Variants in DUOX2 observed in about 807,000 individuals in gnomAD.
The protein encoded by DUOX2 is dual oxidase 2.
Under a neutral mutation model 183.3 loss-of-function variants are expected in DUOX2, and 185 were observed. That is an observed-to-expected ratio of 1.01 (90% CI 0.90 to 1.14). DUOX2 has a LOEUF of 1.14. Among genes scored for constraint, DUOX2 ranks in the 50% most tolerant of loss-of-function variants. DUOX2 has a pLI of 0.00. For synonymous variants in DUOX2, 788 were observed against 812.4 expected (o/e 0.97, Z 0.51); for missense variants, 1,999 against 2,022.9 (o/e 0.99, Z 0.23).
chr15:45,107,521 C>A, intron 13 of DUOX2, 58 bp from the exon 14 acceptor site: 1 of 1,575,660 alleles, frequency 6.3e-7, no homozygotes, highest in Non-Finnish European at 8.7e-7. Flanking sequence ...CCTCCAGCAA[C>A]CCCAGGCCCA....
Position 45,107,339 on chromosome 15 carries a change from A to G in DUOX2, c.1693+6T>C. ...TCACTCACTTGTGTTCTCCCACGGC[A>G]CTCACCTTTATGCCAGACAAAGACA... On this transcript the variant is annotated splice_donor_region_variant and intron_variant, in intron 14 of 33. Coordinates refer to ENST00000389039, the MANE Select transcript of DUOX2 (RefSeq NM_001363711.2). 5 of 1,614,036 alleles carry G rather than the reference A, an allele frequency of 3.1e-6. No homozygotes were observed. Among genetic ancestry groups the G allele is most frequent in the Non-Finnish European group, 4.2e-6 (5 of 1,179,950 alleles).
At chr15:45,096,482 C>A (rs970113786) in intron 29 of DUOX2, among the ~76,000 whole-genome samples, 1 of 152,012 alleles carries the variant, frequency 6.6e-6, no homozygotes, top group African/African-American at 2.4e-5. Flanking sequence ...TTTTCCAATT[C>A]AATTAATCTT....
chr15:45,099,833 GGAT>G lies in DUOX2; in HGVS notation c.3241_3243del (p.Ile1081del). 6.2e-7 allele frequency: 1 copy of G among 1,614,248 alleles called. No homozygotes were observed. Among genetic ancestry groups the G allele is most frequent in the Middle Eastern group, 1.6e-4 (1 of 6,062 alleles). Reference sequence around the variant, plus strand: ...ACGCTGGCCGCCGTGCCTCGTGACAGGATGATGCCCACGAGGGTGGTCTGTGCA... The same window carrying G: ...ACGCTGGCCGCCGTGCCTCGTGACAGGATGCCCACGAGGGTGGTCTGTGCA... On this transcript the variant is annotated inframe_deletion, in exon 25 of 34. Coordinates refer to ENST00000389039, the MANE Select transcript of DUOX2 (RefSeq NM_001363711.2).
Position 45,111,827 on chromosome 15 carries a change from A to T in DUOX2, c.454T>A (p.Phe152Ile). 1 of 1,613,108 alleles carries T rather than the reference A, an allele frequency of 6.2e-7. No homozygotes were observed. Among genetic ancestry groups the T allele is most frequent in the Non-Finnish European group, 8.5e-7 (1 of 1,179,846 alleles). ...TCGGGGTCCCAGCGGCTCCTCTGGAAGGGCAGCACCACGTCCCCGCGCTGG... is the reference window on the plus strand; with the variant it reads ...TCGGGGTCCCAGCGGCTCCTCTGGATGGGCAGCACCACGTCCCCGCGCTGG... ...PDQRGDVVLP[F>I]QRSRWDPETG... is the part of the protein sequence containing the mutation. Residue 152 changes from phenylalanine (F) to isoleucine (I), a missense_variant, in exon 5 of 34, where the codon TTC (phenylalanine) becomes ATC (isoleucine). Around this residue, in one of 3 missense-constraint regions of DUOX2, gnomAD observed 356 missense variants for 356.4 expected, o/e 1.00. Transcript: ENST00000389039.
Position 45,095,886 on chromosome 15 carries a change from G to A in DUOX2, c.4022C>T (p.Thr1341Ile). The part of the protein sequence containing the change: ...LHIRAVGPWT[T>I]RLREIYSSPK... ...GGATGAGTAGATCTCCCTGAGGCGA[G>A]TGGTCCAGGGCCCCACTGCCCGGAT... Residue 1341 changes from threonine (T) to isoleucine (I), a missense_variant, in exon 30 of 34, where the codon ACT (threonine) becomes ATT (isoleucine). Coordinates refer to ENST00000389039, the MANE Select transcript of DUOX2 (RefSeq NM_001363711.2). 1 of 1,614,002 alleles carries A rather than the reference G, an allele frequency of 6.2e-7. No individual in the cohort carries two copies. The highest frequency in any genetic ancestry group is 1.6e-4 in the Middle Eastern group (1 of 6,062).
At position 45,099,657 on chromosome 15, in the gene DUOX2, C is replaced by A; in HGVS notation, c.3415+5G>T. 6.2e-7 allele frequency: 1 copy of A among 1,614,100 alleles called. No individual in the cohort carries two copies. Among genetic ancestry groups the A allele is most frequent in the Non-Finnish European group, 8.5e-7 (1 of 1,180,004 alleles). On this transcript the variant is annotated splice_donor_5th_base_variant and intron_variant, in intron 25 of 33. Transcript: ENST00000389039. ...CAAAGAGGAAGAAGCCTGGGAGTCA[C>A]GTACTGGCCAGGACAACAGCAGCCA...
chr15:45,113,687 C>T (rs1264904944), intron 1 of DUOX2, among the ~76,000 whole-genome samples: 1 of 152,182 alleles, frequency 6.6e-6, no homozygotes, highest in African/African-American at 2.4e-5. Context: ...CATAGGAACC[C>T]ACTGGGCAGG....
intron 32 of DUOX2, 100 bp from the exon 33 acceptor site, chr15:45,094,791 G>A: frequency 6.3e-7 from 1 of 1,596,936 alleles, no homozygotes; most frequent in South Asian, 1.1e-5. Flanking sequence ...GGAGGGGAGG[G>A]AGCTGGAGGC....
chr15:45,100,115 C>A lies in DUOX2; in HGVS notation c.3119G>T (p.Arg1040Met). The change falls in exon 24 of 34, where the codon AGG (arginine) becomes ATG (methionine). Residue 1040 changes from arginine to methionine, a missense_variant. By Grantham distance (91) the Arg-to-Met change is moderately conservative. Transcript: ENST00000389039. The part of the protein sequence containing the change: ...QYKRFVENYR[R>M]HIVCVAIFSA... ...GAAGATTGCCACACACACGATGTGC[C>A]TCCGGTAGTTCTCCACGAAGCGCTT... The A allele has an allele frequency of 6.8e-6, 11 of 1,614,234 alleles. No individual in the cohort carries two copies. The highest frequency in any genetic ancestry group is 9.3e-6 in the Non-Finnish European group (11 of 1,180,042).
chr15:45,110,064 G>T, intron 9 of DUOX2, 84 bp from the exon 10 acceptor site: 1 of 1,247,932 alleles, frequency 8.0e-7, no homozygotes, highest in Non-Finnish European at 1.2e-6. Context: ...ACTCAGTGGG[G>T]GTTCACTAGG....
intron 20 of DUOX2, 145 bp from the exon 21 acceptor site, chr15:45,102,134 G>T: frequency 1.9e-6 from 2 of 1,056,570 alleles, no homozygotes; most frequent in South Asian, 1.4e-5. Flanking sequence ...CCAGCCTGCC[G>T]CTGACACTAA....
intron 18 of DUOX2, 80 bp downstream of exon 18, chr15:45,105,563 C>G: frequency 1.3e-6 from 2 of 1,569,232 alleles, no homozygotes; most frequent in Non-Finnish European, 1.8e-6. Flanking sequence ...CTTAGTTCAC[C>G]CACAGGGGCG....
rs1893947281 is a variant in DUOX2 at position 45,097,853 on chromosome 15, C to T, written c.3566-112G>A. 7.6e-6 allele frequency: 12 copies of T among 1,587,704 alleles called. No individual in the cohort carries two copies. In the South Asian group the frequency reaches 1.3e-4, roughly 18 times the overall value. ...TCCTTCCTCTCTCATCCCTCCGGGG[C>T]CCCCAGAAAAGCCTGCCTGGAGGGA... is the stretch of plus-strand genomic sequence containing the variant. On this transcript the variant is annotated intron_variant, in intron 27 of 33. Coordinates refer to ENST00000389039, the MANE Select transcript of DUOX2 (RefSeq NM_001363711.2).
chr15:45,105,970 G>A (rs1466939809), intron 17 of DUOX2, 142 bp from the exon 18 acceptor site: 4 of 1,381,762 alleles, frequency 2.9e-6, no homozygotes, highest in Non-Finnish European at 3.0e-6. Context: ...GTGGACGAAG[G>A]GGGTCAGGTT....
intron 16 of DUOX2, 52 bp from the exon 17 acceptor site, chr15:45,106,379 C>G (rs752422071): frequency 4.1e-5 from 66 of 1,607,248 alleles, no homozygotes; most frequent in Non-Finnish European, 5.3e-5. Context: ...CCCAGGTCCC[C>G]GCCTTCAGGT....
intron 25 of DUOX2, 30 bp downstream of exon 25, chr15:45,099,632 C>CA (rs1894009843): frequency 6.2e-7 from 1 of 1,613,224 alleles, no homozygotes; most frequent in South Asian, 1.1e-5. Context: ...GGTGCTGCAG[C>CA]AAAGAGGAAG....
chr15:45,106,685 T>C, intron 15 of DUOX2, 44 bp from the exon 16 acceptor site: 1 of 1,605,208 alleles, frequency 6.2e-7, no homozygotes, highest in Non-Finnish European at 8.5e-7. Context: ...GCCCCTCACC[T>C]AGAGCTCCAC....
rs1378165236 is a variant in DUOX2 at position 45,100,103 on chromosome 15, C to T, written c.3131G>A (p.Cys1044Tyr). Residue 1044 changes from cysteine (C) to tyrosine (Y), a missense_variant, in exon 24 of 34, where the codon TGT becomes TAT. Physicochemically the swap from Cys to Tyr is radical, Grantham distance 194. Around this residue, in one of 3 missense-constraint regions of DUOX2, gnomAD observed 1,628 missense variants for 1,608.6 expected, o/e 1.01. Coordinates refer to ENST00000389039, the MANE Select transcript of DUOX2 (RefSeq NM_001363711.2). Reference protein sequence around the residue: ...FVENYRRHIVCVAIFSAICVG... With the variant: ...FVENYRRHIVYVAIFSAICVG... ...ACAGATGGCCGAGAAGATTGCCACA[C>T]ACACGATGTGCCTCCGGTAGTTCTC... 6.2e-7 allele frequency: 1 copy of T among 1,614,138 alleles called. No individual in the cohort carries two copies. The highest frequency in any genetic ancestry group is 1.3e-5 in the African/African-American group (1 of 74,960).
In DUOX2 at chr15:45,106,913, G is replaced by T. The variant is rs757446135; in HGVS notation, c.1750C>A (p.Pro584Thr). 5 of 1,582,792 alleles carry T rather than the reference G, an allele frequency of 3.2e-6. No individual in the cohort carries two copies. The South Asian group carries it at 5.8e-5, about 18-fold the overall frequency. ...TCAAAGAAGTCAAGCACAGTCAGGGGTGCACACTGGGGCAGGCCGTCAGTT... is the reference window on the plus strand; with the variant it reads ...TCAAAGAAGTCAAGCACAGTCAGGGTTGCACACTGGGGCAGGCCGTCAGTT... ...LTTDGLPQCA[P>T]LTVLDFFEGS... Residue 584 changes from proline to threonine, a missense_variant, in exon 15 of 34, where the codon CCC (proline) becomes ACC (threonine). Pro to Thr is a conservative substitution (Grantham distance 38). Transcript: ENST00000389039.
Sources: gnomAD v4.1 joint callset for allele counts (sites outside exome capture counted in the v4.1 genomes callset) on GRCh38, gnomAD v4.1.1 for gene constraint, gnomAD v4.1.1 regional missense constraint, MANE v1.5 for transcripts, NCBI Gene and HGNC (gene_info 2026-07-23, HGNC 2026-07-21) for gene names.